MEIS2: variants seen among roughly 807,000 people sequenced by gnomAD.
MEIS2 encodes homeobox protein Meis2.
A neutral mutation model predicts 58.6 loss-of-function variants in MEIS2; 9 were observed. The observed-to-expected ratio is 0.15, with a 90% confidence interval of 0.09 to 0.27. MEIS2 has a LOEUF of 0.27. MEIS2 is among the 10% of genes least tolerant of loss of function. The probability of loss-of-function intolerance (pLI) is 1.00; values close to 1 mark genes in which losing one functional copy is unlikely to be tolerated. For synonymous variants in MEIS2, 221 were observed against 228.4 expected (o/e 0.97, Z 0.29); for missense variants, 427 against 635.0 (o/e 0.67, Z 3.52).
At chr15:36,914,410 T>C (rs1005578073) in intron 9 of MEIS2, among the ~76,000 whole-genome samples, 2 of 152,262 alleles carry the variant, frequency 1.3e-5, no homozygotes, top group Non-Finnish European at 2.9e-5. Context: ...TGTGATTAAT[T>C]GCTACGTGAA....
chr15:37,058,293 A>G (rs1888717750), intron 7 of MEIS2, among the ~76,000 whole-genome samples: 1 of 152,194 alleles, frequency 6.6e-6, no homozygotes, highest in African/African-American at 2.4e-5. Flanking sequence ...CATTTATAGG[A>G]TAACTCATAT....
At chr15:37,100,674 G>C (rs1219007783), upstream of MEIS2, 2 of 152,460 alleles carry the variant, frequency 1.3e-5, no homozygotes, top group Admixed American at 1.3e-4. Flanking sequence ...GGGACGGCGG[G>C]GGGGAGGAAA....
chr15:36,964,238 A>C (rs1018300138), intron 8 of MEIS2, among the ~76,000 whole-genome samples: 3 of 152,244 alleles, frequency 2.0e-5, no homozygotes, highest in Non-Finnish European at 1.5e-5. Flanking sequence ...ACTAATAAGC[A>C]CTTGGATTTT....
chr15:36,919,610 T>A (rs2057417025), intron 9 of MEIS2, among the ~76,000 whole-genome samples: 1 of 151,712 alleles, frequency 6.6e-6, no homozygotes, highest in Admixed American at 6.6e-5. Context: ...AACAGTAATT[T>A]AAAAAATCCT....
intron 8 of MEIS2, among the ~76,000 whole-genome samples, chr15:36,964,081 G>A (rs947096757): frequency 6.6e-6 from 1 of 152,198 alleles, no homozygotes; most frequent in African/African-American, 2.4e-5. Flanking sequence ...GGAATTTGCT[G>A]TTCGCTAAAG....
chr15:36,904,492 T>C (rs1041427087), intron 9 of MEIS2, among the ~76,000 whole-genome samples: 1 of 152,160 alleles, frequency 6.6e-6, no homozygotes, highest in African/African-American at 2.4e-5. Context: ...TCAGAAAGAA[T>C]GCTCCATTTT....
At chr15:37,075,945 T>C (rs1891348473) in intron 7 of MEIS2, among the ~76,000 whole-genome samples, 1 of 152,030 alleles carries the variant, frequency 6.6e-6, no homozygotes, top group Admixed American at 6.6e-5. Flanking sequence ...AGGAAACTTA[T>C]TGCTGTATAG....
chr15:36,960,650 T>C (rs1184521427), intron 8 of MEIS2, among the ~76,000 whole-genome samples: 4 of 152,120 alleles, frequency 2.6e-5, no homozygotes, highest in African/African-American at 7.2e-5. Flanking sequence ...AGAGCTTCTT[T>C]CTGCATATAA....
chr15:36,957,132 A>G (rs1026387767), intron 8 of MEIS2, among the ~76,000 whole-genome samples: 3 of 152,310 alleles, frequency 2.0e-5, no homozygotes, highest in Non-Finnish European at 4.4e-5. Flanking sequence ...ATGTACATGA[A>G]AGTGTGAACA....
chr15:36,949,383 G>A (rs575949886), intron 9 of MEIS2, among the ~76,000 whole-genome samples: 43 of 151,980 alleles, frequency 2.8e-4, no homozygotes, highest in Non-Finnish European at 5.6e-4. Context: ...ATGTCTGCCT[G>A]CCTGTATCCC....
intron 8 of MEIS2, among the ~76,000 whole-genome samples, chr15:37,028,100 T>C (rs1352822023): frequency 6.6e-6 from 1 of 152,252 alleles, no homozygotes. Flanking sequence ...ATCAATTACC[T>C]ATTTTTAAAA....
intron 8 of MEIS2, among the ~76,000 whole-genome samples, chr15:37,034,771 G>A (rs747073094): frequency 2.0e-4 from 30 of 152,170 alleles, no homozygotes; most frequent in Non-Finnish European, 3.4e-4. Flanking sequence ...GACTCTGAGC[G>A]TATTGATGGT....
At chr15:36,936,985 AC>A (rs1450726400) in intron 9 of MEIS2, among the ~76,000 whole-genome samples, 1 of 152,244 alleles carries the variant, frequency 6.6e-6, no homozygotes, top group East Asian at 1.9e-4. Context: ...ACTTCTTGAT[AC>A]AGATGAACTT....
intron 8 of MEIS2, among the ~76,000 whole-genome samples, chr15:36,970,405 A>AG (rs2059509304): frequency 6.7e-6 from 1 of 149,392 alleles, no homozygotes. Context: ...CTCCGTCTCA[A>AG]AAAAAAAAAA....
intron 8 of MEIS2, among the ~76,000 whole-genome samples, chr15:36,976,899 G>A (rs1014573794): frequency 5.9e-5 from 9 of 152,276 alleles, no homozygotes; most frequent in Admixed American, 3.9e-4. Flanking sequence ...CAAGGCAGGC[G>A]GATCACCTGA....
At chr15:37,032,885 C>T (rs1311883024) in intron 8 of MEIS2, among the ~76,000 whole-genome samples, 2 of 152,106 alleles carry the variant, frequency 1.3e-5, no homozygotes, top group African/African-American at 2.4e-5. Context: ...ACTATGGAAA[C>T]GGTTTATCAA....
intron 8 of MEIS2, among the ~76,000 whole-genome samples, chr15:36,978,837 C>T (rs2059842598): frequency 6.6e-6 from 1 of 152,104 alleles, no homozygotes; most frequent in African/African-American, 2.4e-5. Flanking sequence ...AATATGGATG[C>T]ACCATGATTT....
chr15:36,895,336 G>T, intron 10 of MEIS2, 75 bp from the exon 11 acceptor site: 2 of 1,298,118 alleles, frequency 1.5e-6, no homozygotes, highest in Non-Finnish European at 2.2e-6. Flanking sequence ...TGTTCCCGCT[G>T]CAGCACTGAA....
chr15:36,896,298 A>T (rs1165392962), intron 10 of MEIS2, among the ~76,000 whole-genome samples: 1 of 152,250 alleles, frequency 6.6e-6, no homozygotes, highest in Non-Finnish European at 1.5e-5. Context: ...TGGGTAACAG[A>T]AAAATGAGAG....
Sources: gnomAD v4.1 joint callset for allele counts (sites outside exome capture counted in the v4.1 genomes callset) on GRCh38, gnomAD v4.1.1 for gene constraint, MANE v1.5 for transcripts, NCBI Gene and HGNC (gene_info 2026-07-23, HGNC 2026-07-21) for gene names.